The following PTPRQ variants were observed in gnomAD, a reference collection of about 807,000 sequenced individuals.
PTPRQ encodes the protein protein tyrosine phosphatase receptor type Q.
PTPRQ carries 199 observed loss-of-function variants against 246.0 expected under a neutral mutation model. That is an observed-to-expected ratio of 0.81 (90% CI 0.72 to 0.91). PTPRQ has a LOEUF of 0.91. Ranked by LOEUF, PTPRQ falls within the 40% of genes least tolerant of loss-of-function variation. PTPRQ has a pLI of 0.00. For missense variants in PTPRQ, 2,624 were observed against 2,528.4 expected, an observed-to-expected ratio of 1.04 and a Z score of -0.81; for synonymous variants, 869 against 853.2, an observed-to-expected ratio of 1.02 and a Z score of -0.32.
intron 27 of PTPRQ, among the ~76,000 whole-genome samples, chr12:80,608,016 T>C (rs61951080): frequency 0.017 from 2,548 of 150,806 alleles, 33 homozygotes; most frequent in South Asian, 0.06. Flanking sequence ...GGTAACAAAA[T>C]AATTAAAGTT....
intron 17 of PTPRQ, among the ~76,000 whole-genome samples, chr12:80,516,984 A>G (rs941053648): frequency 6.6e-6 from 1 of 152,162 alleles, no homozygotes. Context: ...GGAGCGGTAG[A>G]GCATATGAAT....
intron 25 of PTPRQ, among the ~76,000 whole-genome samples, chr12:80,572,123 A>C (rs1019118410): frequency 1.3e-5 from 2 of 152,124 alleles, no homozygotes; most frequent in African/African-American, 4.8e-5. Flanking sequence ...ACATCTATAC[A>C]TGGGGAGAAT....
intron 17 of PTPRQ, among the ~76,000 whole-genome samples, chr12:80,511,079 C>T (rs960894855): frequency 6.6e-6 from 1 of 152,046 alleles, no homozygotes; most frequent in African/African-American, 2.4e-5. Context: ...AACACATTAC[C>T]TAGTGGATTT....
chr12:80,511,124 A>G (rs1895114195), intron 17 of PTPRQ, among the ~76,000 whole-genome samples: 1 of 152,178 alleles, frequency 6.6e-6, no homozygotes. Flanking sequence ...AATTTACACA[A>G]TACTTCGTAA....
intron 25 of PTPRQ, among the ~76,000 whole-genome samples, chr12:80,578,890 T>C (rs1897350810): frequency 2.0e-5 from 3 of 152,174 alleles, no homozygotes; most frequent in Admixed American, 2.0e-4. Context: ...TATCTTGCTT[T>C]TCCCTTTATT....
At chr12:80,635,962 G>C (rs1899631927) in intron 35 of PTPRQ, among the ~76,000 whole-genome samples, 1 of 152,124 alleles carries the variant, frequency 6.6e-6, no homozygotes, top group South Asian at 2.1e-4. Flanking sequence ...TTCATTTGTA[G>C]TTGTCACTTG....
At chr12:80,534,677 ATC>A (rs1895937072) in intron 18 of PTPRQ, among the ~76,000 whole-genome samples, 1 of 151,952 alleles carries the variant, frequency 6.6e-6, no homozygotes, top group Non-Finnish European at 1.5e-5. Context: ...TGGGTAAGAA[ATC>A]TATCTGTCTT....
At chr12:80,670,058 A>G (rs1900918309) in intron 41 of PTPRQ, among the ~76,000 whole-genome samples, 1 of 152,076 alleles carries the variant, frequency 6.6e-6, no homozygotes, top group Non-Finnish European at 1.5e-5. Context: ...AAGTGTTTCA[A>G]TACCTATTAT....
intron 26 of PTPRQ, among the ~76,000 whole-genome samples, chr12:80,594,593 C>A (rs1897907488): frequency 6.6e-6 from 1 of 152,080 alleles, no homozygotes; most frequent in Admixed American, 6.6e-5. Flanking sequence ...ATATTGCCAC[C>A]TTCCCTTGCA....
At chr12:80,669,521 G>A in intron 41 of PTPRQ, 57 bp downstream of exon 41, 1 of 1,496,498 alleles carries the variant, frequency 6.7e-7, no homozygotes, top group Non-Finnish European at 8.9e-7. Context: ...TGATCTAAAT[G>A]TCTAAAATAA....
At chr12:80,505,924 G>A in intron 14 of PTPRQ, 100 bp from the exon 15 acceptor site, 1 of 1,275,804 alleles carries the variant, frequency 7.8e-7, no homozygotes, top group Non-Finnish European at 1.0e-6. Context: ...TCTAGTGAAG[G>A]TTCAATTGTA....
chr12:80,594,109 A>G (rs1358824410), intron 26 of PTPRQ, among the ~76,000 whole-genome samples: 2 of 152,214 alleles, frequency 1.3e-5, no homozygotes, highest in African/African-American at 4.8e-5. Flanking sequence ...AAAACCAAAT[A>G]GAGGGCAAAG....
At chr12:80,517,763 C>T (rs1895349300) in intron 17 of PTPRQ, among the ~76,000 whole-genome samples, 1 of 151,888 alleles carries the variant, frequency 6.6e-6, no homozygotes, top group African/African-American at 2.4e-5. Flanking sequence ...TGAAGTTTGT[C>T]ATTTGTGCCT....
intron 4 of PTPRQ, among the ~76,000 whole-genome samples, chr12:80,458,538 A>AT (rs138111017): frequency 0.099 from 14,711 of 148,146 alleles, 1,480 homozygotes; most frequent in African/African-American, 0.26. Flanking sequence ...ACTATCACTT[A>AT]TTTTTTTTTT....
At chr12:80,558,032 CCTCT>C (rs935184710) in intron 25 of PTPRQ, among the ~76,000 whole-genome samples, 38 of 151,044 alleles carry the variant, frequency 2.5e-4, no homozygotes, top group Admixed American at 2.0e-3. Flanking sequence ...AATCTTCCTT[CCTCT>C]CTCTCTCTTT....
At chr12:80,580,158 C>T (rs1489352612) in intron 25 of PTPRQ, among the ~76,000 whole-genome samples, 1 of 152,104 alleles carries the variant, frequency 6.6e-6, no homozygotes, top group Non-Finnish European at 1.5e-5. Flanking sequence ...GTAGAATTTA[C>T]TGGTCAGTAA....
intron 43 of PTPRQ, among the ~76,000 whole-genome samples, chr12:80,677,789 T>C (rs1057167000): frequency 6.6e-6 from 1 of 152,238 alleles, no homozygotes; most frequent in Non-Finnish European, 1.5e-5. Flanking sequence ...GAGAATGTTC[T>C]ATTTAAATCA....
intron 7 of PTPRQ, 70 bp from the exon 8 acceptor site, chr12:80,472,035 T>A: frequency 6.6e-7 from 1 of 1,525,338 alleles, no homozygotes; most frequent in East Asian, 2.5e-5. Flanking sequence ...TCTTTGGCTC[T>A]GTACTTAAAT....
At chr12:80,566,855 T>G (rs1001014685) in intron 25 of PTPRQ, among the ~76,000 whole-genome samples, 1 of 152,214 alleles carries the variant, frequency 6.6e-6, no homozygotes, top group Non-Finnish European at 1.5e-5. Context: ...TAATATTTTT[T>G]AAAAATCAAG....
Sources: allele counts gnomAD v4.1 joint callset (sites outside exome capture counted in the v4.1 genomes callset), GRCh38; gene constraint gnomAD v4.1.1; transcripts MANE v1.5; gene names NCBI Gene and HGNC (gene_info 2026-07-23, HGNC 2026-07-21).